Variants in SLC38A11 observed in about 807,000 individuals in gnomAD.
SLC38A11 encodes putative sodium-coupled neutral amino acid transporter 11.
A neutral mutation model predicts 49.4 loss-of-function variants in SLC38A11; 51 were observed. That is an observed-to-expected ratio of 1.03 (90% confidence interval 0.83 to 1.30). The LOEUF is 1.30. Ranked by LOEUF, SLC38A11 falls within the 50% of genes most tolerant of loss-of-function variation. The pLI, the probability that SLC38A11 is intolerant of heterozygous loss-of-function variation, is 0.00. For synonymous variants in SLC38A11, 203 were observed against 192.9 expected (o/e 1.05, Z -0.43); for missense variants, 574 against 556.2 (o/e 1.03, Z -0.32).
chr2:164,895,073 G>T lies in SLC38A11; in HGVS notation c.*3364C>A, dbSNP rs1326859121. On this transcript the variant is annotated 3_prime_UTR_variant, in exon 12 of 12. Transcript: ENST00000685975. ...CAAGTACTGAATCAGAAACTGTGGG[G>T]GTGAAGCCCAGCAATCTGTGTTTCA... is the stretch of plus-strand genomic sequence containing the variant. Among the ~76,000 whole-genome samples, 1 of 152,072 alleles carries T rather than the reference G, an allele frequency of 6.6e-6. No individual in the cohort carries two copies. The highest frequency in any genetic ancestry group is 6.6e-5 in the Admixed American group (1 of 15,254).
chr2:164,935,517 A>AG (rs1404528443), intron 7 of SLC38A11, among the ~76,000 whole-genome samples: 5 of 150,694 alleles, frequency 3.3e-5, no homozygotes, highest in South Asian at 2.1e-4. Context: ...AAAAAAAAAA[A>AG]AAAAAGAAAG....
chr2:164,940,819 T>G (rs1173501590), intron 5 of SLC38A11, among the ~76,000 whole-genome samples: 1 of 151,654 alleles, frequency 6.6e-6, no homozygotes, highest in Non-Finnish European at 1.5e-5. Flanking sequence ...TTTTTAATAC[T>G]AATGGAATAG....
In SLC38A11 at chr2:164,897,042, G is replaced by C. The variant is rs1684389655; in HGVS notation, c.*1395C>G. ...AATACAAATGAAATGAAAATCTTAGGTGATACTTGATATAAGGAAGCCATC... is the reference window on the plus strand; with the variant it reads ...AATACAAATGAAATGAAAATCTTAGCTGATACTTGATATAAGGAAGCCATC... On this transcript the variant is annotated 3_prime_UTR_variant, in exon 12 of 12. Coordinates refer to ENST00000685975, the MANE Select transcript of SLC38A11 (RefSeq NM_001351537.2). 6.6e-6 allele frequency: 1 copy of C among 152,038 alleles called. No individual in the cohort carries two copies. Among genetic ancestry groups the C allele is most frequent in the Non-Finnish European group, 1.5e-5 (1 of 68,008 alleles). The allele number at this position is 152,038 out of a possible 1,614,324, so 9.4% of individuals were successfully genotyped here.
intron 7 of SLC38A11, among the ~76,000 whole-genome samples, chr2:164,917,096 G>T (rs1244177207): frequency 6.6e-6 from 1 of 152,070 alleles, no homozygotes; most frequent in Non-Finnish European, 1.5e-5. Flanking sequence ...ATTAATAAAG[G>T]CAGCAAAAAG....
In SLC38A11 at chr2:164,953,375, CA is replaced by C. The variant is rs1688649721; in HGVS notation, c.155-595del. 2.6e-5 allele frequency: 4 copies of C among 152,268 alleles called. 1 individual carries two copies. Among genetic ancestry groups the C allele is most frequent in the Admixed American group, 2.6e-4 (4 of 15,290 alleles). The allele number at this position is 152,268 out of a possible 1,614,324, so 9.4% of individuals were successfully genotyped here. On this transcript the variant is annotated intron_variant, in intron 2 of 11. Transcript: ENST00000685975. ...GACAATAAAATATTTAAAACAAACA[CA>C]GTTAACGTATTTCCAGTCAAAATTT...
intron 10 of SLC38A11, among the ~76,000 whole-genome samples, chr2:164,910,634 T>G (rs1367843960): frequency 6.6e-6 from 1 of 152,122 alleles, no homozygotes; most frequent in African/African-American, 2.4e-5. Context: ...TGACTTAAAG[T>G]AAGCCCTGGC....
At chr2:164,941,623 C>G (rs1687771263) in intron 5 of SLC38A11, among the ~76,000 whole-genome samples, 1 of 151,968 alleles carries the variant, frequency 6.6e-6, no homozygotes, top group Non-Finnish European at 1.5e-5. Context: ...GGACCATTAG[C>G]CTTTTCTATA....
At chr2:164,948,114 T>G (rs1688262518) in intron 3 of SLC38A11, among the ~76,000 whole-genome samples, 2 of 152,174 alleles carry the variant, frequency 1.3e-5, no homozygotes, top group Admixed American at 6.5e-5. Flanking sequence ...GGGTGAAAGA[T>G]TTGAGCTCAT....
chr2:164,916,355 T>C (rs1277794904), intron 7 of SLC38A11, among the ~76,000 whole-genome samples: 1 of 152,132 alleles, frequency 6.6e-6, no homozygotes, highest in East Asian at 1.9e-4. Flanking sequence ...TGCTGTTCAT[T>C]CCGCTCTTAT....
intron 7 of SLC38A11, among the ~76,000 whole-genome samples, chr2:164,921,554 C>A (rs1460150718): frequency 6.6e-6 from 1 of 151,068 alleles, no homozygotes; most frequent in Non-Finnish European, 1.5e-5. Flanking sequence ...TGGTCTTGAA[C>A]CACTGGTCTA....
chr2:164,920,570 GAA>G (rs1686122458), intron 7 of SLC38A11, among the ~76,000 whole-genome samples: 1 of 152,030 alleles, frequency 6.6e-6, no homozygotes, highest in South Asian at 2.1e-4. Flanking sequence ...CTATGAAAAC[GAA>G]ACTGGATACT....
intron 5 of SLC38A11, among the ~76,000 whole-genome samples, chr2:164,940,457 CATT>C (rs1196191205): frequency 6.6e-6 from 1 of 150,824 alleles, no homozygotes; most frequent in African/African-American, 2.4e-5. Flanking sequence ...GAGATCATAT[CATT>C]ATATTGTTAC....
rs375389044 is a variant in SLC38A11, at chr2:164,911,651, G to T, written c.948C>A (p.Cys316Ter). 13 of 1,592,342 alleles carry T rather than the reference G, an allele frequency of 8.2e-6. No homozygotes were observed. The African/African-American group carries it at 1.6e-4, about 20-fold the overall frequency. Residue 316 changes from cysteine to a stop codon, truncating the protein, a stop_gained, in exon 10 of 12, where the codon TGC (cysteine) becomes TGA (stop). Coordinates refer to ENST00000685975, the MANE Select transcript of SLC38A11 (RefSeq NM_001351537.2). LOFTEE classifies it high-confidence loss of function. ...CCGCGCTTACCTCTCTTGTCACAAA[G>T]CATTCCATAGGGTATGTCAAAATGA... ...VTVILTYPME[C>*]FVTREVIANV...
At chr2:164,941,983 G>A (rs537186285) in intron 5 of SLC38A11, among the ~76,000 whole-genome samples, 4 of 151,954 alleles carry the variant, frequency 2.6e-5, no homozygotes, top group Non-Finnish European at 5.9e-5. Flanking sequence ...AACAGGAGGG[G>A]GCTGAAAGGA....
chr2:164,949,327 C>A (rs1043378917), intron 3 of SLC38A11, among the ~76,000 whole-genome samples: 1 of 152,068 alleles, frequency 6.6e-6, no homozygotes, highest in East Asian at 1.9e-4. Context: ...CAGCTCACTG[C>A]AACCTCTGCC....
intron 7 of SLC38A11, among the ~76,000 whole-genome samples, chr2:164,921,023 A>G (rs529258964): frequency 6.6e-6 from 1 of 152,314 alleles, no homozygotes; most frequent in African/African-American, 2.4e-5. Context: ...AGAGAAAAAA[A>G]AAAGGAAAAG....
In SLC38A11 at chr2:164,945,686, C is replaced by T; in HGVS notation, c.271G>A (p.Gly91Arg). The T allele has an allele frequency of 6.2e-7, 1 of 1,610,528 alleles. No homozygotes were observed. The highest frequency in any genetic ancestry group is 1.7e-4 in the Middle Eastern group (1 of 6,050). The change falls in exon 4 of 12, where the codon GGA becomes AGA. Residue 91 changes from glycine to arginine, a missense_variant. Transcript: ENST00000685975. Reference sequence around the variant, plus strand: ...ACCAAAGACTGGTAGGTATCTGTTCCAGAGAGGGCCCCTCCTTTTATCAAT... The same window carrying T: ...ACCAAAGACTGGTAGGTATCTGTTCTAGAGAGGGCCCCTCCTTTTATCAAT... ...VLLIKGGALSGTDTYQSLVNK... is the reference protein window; with the variant it reads ...VLLIKGGALSRTDTYQSLVNK...
chr2:164,899,640 C>T (rs1051589188), intron 11 of SLC38A11, among the ~76,000 whole-genome samples: 1 of 151,840 alleles, frequency 6.6e-6, no homozygotes, highest in Non-Finnish European at 1.5e-5. Flanking sequence ...GACAAATATT[C>T]TCTTAAACCA....
At position 164,897,055 on chromosome 2, in the gene SLC38A11, T is replaced by A. The variant is rs1487291547; in HGVS notation, c.*1382A>T. 1 of 152,148 alleles carries A rather than the reference T, an allele frequency of 6.6e-6. No homozygotes were observed. The highest frequency in any genetic ancestry group is 1.5e-5 in the Non-Finnish European group (1 of 68,020). 9.4% of individuals were successfully genotyped at this position (152,148 alleles called of 1,614,324 possible). A position where few individuals can be genotyped will look rare whatever the true frequency, so the allele number is the denominator to read the frequency against. ...TGAAAATCTTAGGTGATACTTGATA[T>A]AAGGAAGCCATCCAGATGGCCCCAG... On this transcript the variant is annotated 3_prime_UTR_variant, in exon 12 of 12. Transcript: ENST00000685975.
Sources: allele counts gnomAD v4.1 joint callset (sites outside exome capture counted in the v4.1 genomes callset), GRCh38; gene constraint gnomAD v4.1.1; transcripts MANE v1.5; gene names NCBI Gene and HGNC (gene_info 2026-07-23, HGNC 2026-07-21).